Variants in KATNA1 observed in about 807,000 individuals in gnomAD.
KATNA1 encodes the protein katanin catalytic subunit A1, also known as katanin p60 ATPase-containing subunit A1.
KATNA1 carries 42 observed loss-of-function variants against 62.6 expected under a neutral mutation model. The observed-to-expected ratio is 0.67, with a 90% confidence interval of 0.52 to 0.87. The LOEUF (loss-of-function observed/expected upper bound fraction) is 0.87. Ranked by LOEUF, KATNA1 falls within the 40% of genes least tolerant of loss-of-function variation. The probability of loss-of-function intolerance (pLI) is 0.00; values close to 1 mark genes in which losing one functional copy is unlikely to be tolerated. For synonymous variants in KATNA1, 186 were observed against 201.9 expected, an observed-to-expected ratio of 0.92 and a Z score of 0.67; for missense variants, 498 against 612.5, an observed-to-expected ratio of 0.81 and a Z score of 1.97.
At chr6:149,608,454 G>T (rs1254580178) in intron 4 of KATNA1, among the ~76,000 whole-genome samples, 1 of 152,138 alleles carries the variant, frequency 6.6e-6, no homozygotes, top group Non-Finnish European at 1.5e-5. Context: ...CAAGGAAGGG[G>T]CAGTCTAGCA....
intron 4 of KATNA1, among the ~76,000 whole-genome samples, chr6:149,620,514 G>A (rs1779353688): frequency 6.6e-6 from 1 of 152,002 alleles, no homozygotes; most frequent in Admixed American, 6.6e-5. Context: ...GGCTGGTCTC[G>A]AACTCCTGAC....
At chr6:149,620,315 T>C (rs1482105137) in intron 4 of KATNA1, among the ~76,000 whole-genome samples, 1 of 152,196 alleles carries the variant, frequency 6.6e-6, no homozygotes, top group Non-Finnish European at 1.5e-5. Context: ...TTTAATTTTT[T>C]TGAGACAGAG....
At chr6:149,629,975 AACACAGTACCTGGC>A (rs1684254249) in intron 3 of KATNA1, among the ~76,000 whole-genome samples, 1 of 152,218 alleles carries the variant, frequency 6.6e-6, no homozygotes, top group Non-Finnish European at 1.5e-5. Flanking sequence ...TAAAACAACA[AACACAGTACCTGGC>A]ACACAGTAAT....
At position 149,611,024 on chromosome 6, in the gene KATNA1, G is replaced by A. The variant is rs79298771; in HGVS notation, c.502-6242C>T. Among the ~76,000 whole-genome samples the A allele has an allele frequency of 6.2e-3, 952 of 152,342 alleles. 12 individuals are homozygous for A. The highest frequency in any genetic ancestry group is 0.022 in the African/African-American group (906 of 41,584). On this transcript the variant is annotated intron_variant, in intron 4 of 10. Transcript: ENST00000367411. ...TTCAACCTGGGAGGTGGTGGTTGCA[G>A]TGAGCCAAGACTGCACCACTGTACT... is the stretch of plus-strand genomic sequence containing the variant.
chr6:149,598,089 T>C, intron 8 of KATNA1, 135 bp downstream of exon 8: 1 of 931,992 alleles, frequency 1.1e-6, no homozygotes, highest in South Asian at 1.7e-5. Flanking sequence ...TGCCACCCCC[T>C]CTAGTCCATC....
intron 3 of KATNA1, among the ~76,000 whole-genome samples, chr6:149,624,927 A>C (rs1779548883): frequency 6.6e-6 from 1 of 151,444 alleles, no homozygotes; most frequent in African/African-American, 2.4e-5. Flanking sequence ...TGAAGACAGA[A>C]AAGAAACTGG....
rs1036210162 is a variant in KATNA1, at chr6:149,595,344, T to C, written c.1278-110A>G. 7 of 692,858 alleles carry C rather than the reference T, an allele frequency of 1.0e-5. No individual in the cohort carries two copies. The African/African-American group carries it at 1.3e-4, about 12-fold the overall frequency. 42.9% of individuals were successfully genotyped at this position (692,858 alleles called of 1,614,324 possible). ...GATCTGTTGTAGCATTCTCTAATTA[T>C]ATTACATATATATGTAGTATTGTAT... On this transcript the variant is annotated intron_variant, in intron 10 of 10. Transcript: ENST00000367411.
At chr6:149,612,213 A>T (rs1778988456) in intron 4 of KATNA1, among the ~76,000 whole-genome samples, 1 of 152,104 alleles carries the variant, frequency 6.6e-6, no homozygotes, top group Non-Finnish European at 1.5e-5. Flanking sequence ...AGAAACATTT[A>T]AAAAAGAATT....
At chr6:149,622,672 C>T (rs928901845) in intron 4 of KATNA1, among the ~76,000 whole-genome samples, 4 of 149,198 alleles carry the variant, frequency 2.7e-5, no homozygotes, top group East Asian at 3.9e-4. Flanking sequence ...TTTATTAGAG[C>T]GCTGGCAAAC....
At chr6:149,596,987 TCAAAAAA>T (rs1253495478) in intron 10 of KATNA1, 69 bp downstream of exon 10, 15 of 1,499,024 alleles carry the variant, frequency 1.0e-5, no homozygotes, top group Non-Finnish European at 1.3e-5. Context: ...AGACTGTGTC[TCAAAAAA>T]CAAAACCAAA....
chr6:149,607,569 A>G (rs868046823), intron 4 of KATNA1, among the ~76,000 whole-genome samples: 1 of 152,158 alleles, frequency 6.6e-6, no homozygotes, highest in Non-Finnish European at 1.5e-5. Context: ...CTGAGATTGC[A>G]CTACTGCAGT....
At chr6:149,620,830 A>T (rs1409721813) in intron 4 of KATNA1, among the ~76,000 whole-genome samples, 2 of 152,078 alleles carry the variant, frequency 1.3e-5, no homozygotes, top group African/African-American at 4.8e-5. Flanking sequence ...TAAAAACCAA[A>T]GCAACATCTA....
chr6:149,634,311 A>AAAATAAAATTAAATAAAATT lies in KATNA1; in HGVS notation c.163-1396_163-1395insAATTTTATTTAATTTTATTT, dbSNP rs1554225823. On this transcript the variant is annotated intron_variant, in intron 2 of 10. Transcript: ENST00000367411. ...AAAATAAAATAAAATAAAATAAAAT[A>AAAATAAAATTAAATAAAATT]AAATAAAATAAATTGCATAACAAAT... Among the ~76,000 whole-genome samples, 3 of 150,820 alleles carry AAAATAAAATTAAATAAAATT rather than the reference A, an allele frequency of 2.0e-5. No individual in the cohort carries two copies. The East Asian group carries it at 5.8e-4, about 29-fold the overall frequency.
intron 1 of KATNA1, among the ~76,000 whole-genome samples, chr6:149,641,158 C>T (rs1447789413): frequency 6.7e-6 from 1 of 149,444 alleles, no homozygotes; most frequent in Non-Finnish European, 1.5e-5. Flanking sequence ...GTGTGAGCCA[C>T]CGCACCTGGT....
At chr6:149,612,193 G>C (rs1562286269) in intron 4 of KATNA1, among the ~76,000 whole-genome samples, 2 of 152,022 alleles carry the variant, frequency 1.3e-5, no homozygotes, top group Non-Finnish European at 2.9e-5. Flanking sequence ...AGCCCAGGTA[G>C]TTTCATTGTA....
Position 149,601,672 on chromosome 6 carries a change from G to A in KATNA1, c.810C>T (p.Phe270=). The change falls in exon 7 of 11, where the codon TTC becomes TTT. Residue 270 remains phenylalanine, a synonymous_variant. Transcript: ENST00000367411. ...TCAAAGTTGATGAAGAGACATTGAA[G>A]AATGTTGTCTTGCATTCTGTAGCTA... ...KAVATECKTT[F]FNVSSSTLTS... 1.2e-6 allele frequency: 2 copies of A among 1,612,928 alleles called. No individual in the cohort carries two copies. The highest frequency in any genetic ancestry group is 1.7e-6 in the Non-Finnish European group (2 of 1,179,664).
chr6:149,621,407 AGCCACCGC>A (rs1779388685), intron 4 of KATNA1, among the ~76,000 whole-genome samples: 1 of 152,042 alleles, frequency 6.6e-6, no homozygotes, highest in East Asian at 1.9e-4. Flanking sequence ...TACAGGCGTG[AGCCACCGC>A]GCCCGGCCCT....
intron 2 of KATNA1, 64 bp downstream of exon 2, chr6:149,638,322 C>A: frequency 6.9e-6 from 10 of 1,445,810 alleles, no homozygotes; most frequent in Non-Finnish European, 9.6e-6. Flanking sequence ...GCATTGACAT[C>A]TGATCTAAAT....
intron 4 of KATNA1, among the ~76,000 whole-genome samples, chr6:149,618,437 C>T (rs912143192): frequency 2.0e-5 from 3 of 151,604 alleles, no homozygotes; most frequent in Non-Finnish European, 4.4e-5. Flanking sequence ...GAGATCCTGC[C>T]ACTGCACTCC....
Sources: gnomAD v4.1 joint callset for allele counts (sites outside exome capture counted in the v4.1 genomes callset) on GRCh38, gnomAD v4.1.1 for gene constraint, MANE v1.5 for transcripts, NCBI Gene and HGNC (gene_info 2026-07-23, HGNC 2026-07-21) for gene names.